The following GPR179 variants were observed in gnomAD, a reference collection of about 807,000 sequenced individuals.
The protein encoded by GPR179 is G protein-coupled receptor 179.
A neutral mutation model predicts 70.8 loss-of-function variants in GPR179; 52 were observed. The ratio of observed to expected loss-of-function variants is 0.73; its 90% CI spans 0.59 to 0.93. GPR179 has a LOEUF of 0.93. Ranked by LOEUF, GPR179 falls within the 40% of genes least tolerant of loss-of-function variation. GPR179 has a pLI of 0.00. For missense variants in GPR179, 2,734 were observed against 2,966.8 expected, an observed-to-expected ratio of 0.92 and a Z score of 1.82; for synonymous variants, 1,123 against 1,169.0, an observed-to-expected ratio of 0.96 and a Z score of 0.80.
Position 38,343,669 on chromosome 17 carries a change from G to C in GPR179, c.121C>G (p.Gln41Glu). Residue 41 changes from glutamine to glutamate, a missense_variant, in exon 1 of 11, where the codon CAA becomes GAA. By Grantham distance (29) the Gln-to-Glu change is conservative. Coordinates refer to ENST00000616987, the MANE Select transcript of GPR179 (RefSeq NM_001004334.4). This position sits in a 1 kb window ranked among gnomAD's most constrained non-coding sequence, Gnocchi z 4.2. Reference sequence around the variant, plus strand: ...ATGGGTACAGATCCTGGCTTGACTTGGGAAGACAGAGGGGGCAGAGAGCGG... The same window carrying C: ...ATGGGTACAGATCCTGGCTTGACTTCGGAAGACAGAGGGGGCAGAGAGCGG... ...PIRSLPPLSS[Q>E]VKPGSVPMQV... The C allele has an allele frequency of 6.2e-7, 1 of 1,611,580 alleles. No individual in the cohort carries two copies.
At chr17:38,342,090 C>T (rs1327563593) in intron 1 of GPR179, among the ~76,000 whole-genome samples, 2 of 151,960 alleles carry the variant, frequency 1.3e-5, no homozygotes, top group Admixed American at 1.3e-4. Context: ...GCACTATAGC[C>T]TGGGCGACAG....
At position 38,334,146 on chromosome 17, in the gene GPR179, C is replaced by T. The variant is rs542419310; in HGVS notation, c.1785-108G>A. The T allele has an allele frequency of 1.0e-4, 81 of 801,384 alleles. No homozygotes were observed. The East Asian group carries it at 1.4e-3, about 14-fold the overall frequency. The allele number at this position is 801,384 out of a possible 1,614,324, so 49.6% of individuals were successfully genotyped here. A position where few individuals can be genotyped will look rare whatever the true frequency, so the allele number is the denominator to read the frequency against. On this transcript the variant is annotated intron_variant, in intron 8 of 10. Coordinates refer to ENST00000616987, the MANE Select transcript of GPR179 (RefSeq NM_001004334.4). This position sits in a 1 kb window ranked among gnomAD's most constrained non-coding sequence, Gnocchi z 4.7. Reference sequence around the variant, plus strand: ...AGCCCCAACCCTGATACGCTTAGGACGAGGGGGCATTCTGCCCTCTCCTGC... The same window carrying T: ...AGCCCCAACCCTGATACGCTTAGGATGAGGGGGCATTCTGCCCTCTCCTGC...
In GPR179 at chr17:38,343,612, G is replaced by C. The variant is rs776208003; in HGVS notation, c.178C>G (p.Leu60Val). The C allele has an allele frequency of 6.2e-7, 1 of 1,613,694 alleles. No individual in the cohort carries two copies. The highest frequency in any genetic ancestry group is 1.3e-5 in the African/African-American group (1 of 74,930). Residue 60 changes from leucine to valine, a missense_variant, in exon 1 of 11, where the codon CTC (leucine) becomes GTC (valine). Leu to Val is a conservative substitution (Grantham distance 32). Transcript: ENST00000616987. This position sits in a 1 kb window ranked among gnomAD's most constrained non-coding sequence, Gnocchi z 4.2. Reference sequence around the variant, plus strand: ...GCATCTCCAGAGTAGAGATAAGCGAGGGCGGCCTCGGCCCCCTCTAGGGGC... The same window carrying C: ...GCATCTCCAGAGTAGAGATAAGCGACGGCGGCCTCGGCCCCCTCTAGGGGC... ...QVPLEGAEAALAYLYSGDAQQ... is the reference protein window; with the variant it reads ...QVPLEGAEAAVAYLYSGDAQQ...
rs150811301 is a variant in GPR179, at chr17:38,326,808, G to C, written c.6761C>G (p.Ser2254Cys). The C allele has an allele frequency of 6.2e-7, 1 of 1,614,102 alleles. No homozygotes were observed. The highest frequency in any genetic ancestry group is 8.5e-7 in the Non-Finnish European group (1 of 1,180,012). ...GEETGVPSEE[S>C]GLLALTATRR... The stretch of plus-strand genomic sequence containing the variant: ...AGTTGCTGTTAAAGCCAGGAGGCCA[G>C]ATTCCTCAGATGGGACTCCAGTTTC... The change falls in exon 11 of 11, where the codon TCT (serine) becomes TGT (cysteine). Residue 2254 changes from serine (S) to cysteine (C), a missense_variant. Transcript: ENST00000616987.
Position 38,330,843 on chromosome 17 carries a change from C to A in GPR179, c.2726G>T (p.Ser909Ile). 6.2e-7 allele frequency: 1 copy of A among 1,603,780 alleles called. No individual in the cohort carries two copies. Among genetic ancestry groups the A allele is most frequent in the South Asian group, 1.1e-5 (1 of 89,364 alleles). Reference sequence around the variant, plus strand: ...AGAGGTGTGAGAGCTGTCCACGCTGCTGCTCTTGGCAGGGGAAGGTGGAGC... The same window carrying A: ...AGAGGTGTGAGAGCTGTCCACGCTGATGCTCTTGGCAGGGGAAGGTGGAGC... Reference protein sequence around the residue: ...LSAPPSPAKSSSVDSSHTSGR... With the variant: ...LSAPPSPAKSISVDSSHTSGR... Residue 909 changes from serine to isoleucine, a missense_variant, in exon 11 of 11, where the codon AGC (serine) becomes ATC (isoleucine). Coordinates refer to ENST00000616987, the MANE Select transcript of GPR179 (RefSeq NM_001004334.4).
At position 38,327,697 on chromosome 17, in the gene GPR179, A is replaced by G. The variant is rs368927813; in HGVS notation, c.5872T>C (p.Cys1958Arg). The G allele has an allele frequency of 6.1e-5, 98 of 1,614,092 alleles. No homozygotes were observed. Among genetic ancestry groups the G allele is most frequent in the Middle Eastern group, 1.6e-4 (1 of 6,084 alleles). ...EKTSHELQSV[C>R]PWETTAPADS... is the part of the protein sequence containing the mutation. ...GCTGGGGCAGTGGTCTCCCATGGACAGACGGATTGTAGCTCATGGCTTGTT... is the reference window on the plus strand; with the variant it reads ...GCTGGGGCAGTGGTCTCCCATGGACGGACGGATTGTAGCTCATGGCTTGTT... Residue 1958 changes from cysteine to arginine, a missense_variant, in exon 11 of 11, where the codon TGT becomes CGT. Coordinates refer to ENST00000616987, the MANE Select transcript of GPR179 (RefSeq NM_001004334.4).
At position 38,331,196 on chromosome 17, in the gene GPR179, C is replaced by A; in HGVS notation, c.2373G>T (p.Arg791Ser). The part of the protein sequence containing the change: ...QDPPLLDSLL[R>S]RKLAKKASRT... ...GAGAGGCCTTCTTGGCCAGCTTCCT[C>A]CTCAGCAGTGAGTCAAGAAGAGGCG... The change falls in exon 11 of 11, where the codon AGG becomes AGT. Residue 791 changes from arginine (R) to serine (S), a missense_variant. By Grantham distance (110) the Arg-to-Ser change is moderately radical. Coordinates refer to ENST00000616987, the MANE Select transcript of GPR179 (RefSeq NM_001004334.4). The A allele has an allele frequency of 6.2e-7, 1 of 1,608,192 alleles. No individual in the cohort carries two copies. Among genetic ancestry groups the A allele is most frequent in the Non-Finnish European group, 8.5e-7 (1 of 1,178,590 alleles).
intron 1 of GPR179, among the ~76,000 whole-genome samples, chr17:38,342,236 T>C (rs1207307888): frequency 2.6e-5 from 4 of 151,956 alleles, no homozygotes; most frequent in Non-Finnish European, 4.4e-5. Flanking sequence ...GCCTGGTGCA[T>C]AGATTGTCAC....
Position 38,337,728 on chromosome 17 carries a change from G to A in GPR179, c.904-8C>T. On this transcript the variant is annotated splice_region_variant and splice_polypyrimidine_tract_variant and intron_variant, in intron 2 of 10. Coordinates refer to ENST00000616987, the MANE Select transcript of GPR179 (RefSeq NM_001004334.4). ...ACTCTCCAGGGGGACACACTATGGG[G>A]ACAACAAACACAGTATGTGTTTATG... 1 of 1,610,384 alleles carries A rather than the reference G, an allele frequency of 6.2e-7. No individual in the cohort carries two copies. The highest frequency in any genetic ancestry group is 1.1e-5 in the South Asian group (1 of 90,872).
At chr17:38,341,412 C>CCAGGT (rs1296220465) in intron 1 of GPR179, among the ~76,000 whole-genome samples, 1 of 152,214 alleles carries the variant, frequency 6.6e-6, no homozygotes, top group African/African-American at 2.4e-5. Flanking sequence ...TCTGCCCAAG[C>CCAGGT]CAGGTCTGAA....
At chr17:38,339,572 G>A in intron 1 of GPR179, 47 bp from the exon 2 acceptor site, 1 of 1,324,884 alleles carries the variant, frequency 7.5e-7, no homozygotes. Flanking sequence ...TGATGCCAAA[G>A]TGGACGTGTG....
Position 38,335,120 on chromosome 17 carries a change from CG to C in GPR179, c.1557del (p.His519GlnfsTer5). The C allele has an allele frequency of 6.2e-7, 1 of 1,608,668 alleles. No homozygotes were observed. Reference protein sequence around the residue: ...TVGALERGIQHAPLVIRGHTP... With the variant: ...TVGALERGIQXAPLVIRGHTP... ...GTGTGGCCTCGGATCACCAGAGGTG[CG>C]TGCTGGATGCCTCGCTCCAGGGCGC... On this transcript the variant is annotated frameshift_variant, in exon 7 of 11. Coordinates refer to ENST00000616987, the MANE Select transcript of GPR179 (RefSeq NM_001004334.4). LOFTEE classifies it high-confidence loss of function.
chr17:38,326,611 G>T lies in GPR179; in HGVS notation c.6958C>A (p.Pro2320Thr). Residue 2320 changes from proline (P) to threonine (T), a missense_variant, in exon 11 of 11, where the codon CCA (proline) becomes ACA (threonine). Pro to Thr is a conservative substitution (Grantham distance 38). Transcript: ENST00000616987. ...RELQGPSGLE[P>T]RTSLAPEPSL... is the part of the protein sequence containing the mutation. ...GGCTCTGGGGCTAAGCTGGTCCTTG[G>T]CTCAAGCCCTGAAGGTCCTTGTAGT... 1 of 1,614,220 alleles carries T rather than the reference G, an allele frequency of 6.2e-7. No homozygotes were observed.
At chr17:38,335,995 G>A in intron 5 of GPR179, 81 bp downstream of exon 5, 1 of 982,622 alleles carries the variant, frequency 1.0e-6, no homozygotes, top group South Asian at 1.3e-5. Flanking sequence ...GGGCAGAGAA[G>A]GGTTCTGGGG....
intron 2 of GPR179, among the ~76,000 whole-genome samples, chr17:38,338,611 C>T (rs2037425568): frequency 2.0e-5 from 3 of 152,156 alleles, no homozygotes; most frequent in Non-Finnish European, 4.4e-5. Flanking sequence ...AGCCCTTTTC[C>T]ATCCCTCCAC....
rs1235314320 is a variant in GPR179, at chr17:38,327,318, C to T, written c.6251G>A (p.Gly2084Asp). ...VCPWESQDGK[G>D]LSPQPAPDAS... Reference sequence around the variant, plus strand: ...ATCTGGGGCTGGCTGTGGGGACAGACCCTTGCCATCTTGACTCTCCCAGGG... The same window carrying T: ...ATCTGGGGCTGGCTGTGGGGACAGATCCTTGCCATCTTGACTCTCCCAGGG... The change falls in exon 11 of 11, where the codon GGT (glycine) becomes GAT (aspartate). Residue 2084 changes from glycine to aspartate, a missense_variant. Coordinates refer to ENST00000616987, the MANE Select transcript of GPR179 (RefSeq NM_001004334.4). The T allele has an allele frequency of 1.2e-6, 2 of 1,614,210 alleles. No homozygotes were observed. The highest frequency in any genetic ancestry group is 1.7e-6 in the Non-Finnish European group (2 of 1,180,036).
In GPR179 at chr17:38,330,646, C is replaced by A. The variant is rs754216240; in HGVS notation, c.2923G>T (p.Ala975Ser). Residue 975 changes from alanine to serine, a missense_variant, in exon 11 of 11, where the codon GCC (alanine) becomes TCC (serine). Coordinates refer to ENST00000616987, the MANE Select transcript of GPR179 (RefSeq NM_001004334.4). Reference sequence around the variant, plus strand: ...GGGGATACTGGGACTGGTGCCAGGGCAGGGGCTGGGGTTGGAGCTAGAGCT... The same window carrying A: ...GGGGATACTGGGACTGGTGCCAGGGAAGGGGCTGGGGTTGGAGCTAGAGCT... ...LPALAPTPAP[A>S]LAPVPVSPQS... The A allele has an allele frequency of 4.4e-6, 7 of 1,595,336 alleles. No individual in the cohort carries two copies. The highest frequency in any genetic ancestry group is 6.0e-6 in the Non-Finnish European group (7 of 1,169,360).
Position 38,326,193 on chromosome 17 carries a change from G to T in GPR179, c.*272C>A. On this transcript the variant is annotated 3_prime_UTR_variant, in exon 11 of 11. Coordinates refer to ENST00000616987, the MANE Select transcript of GPR179 (RefSeq NM_001004334.4). ...GTTTGTGTTGTGAGTACTGTAGGTG[G>T]ATGGGAGGCGTCCTTAGAAGTAGAG... is the stretch of plus-strand genomic sequence containing the variant. 7.0e-6 allele frequency: 3 copies of T among 427,388 alleles called. No homozygotes were observed. The highest frequency in any genetic ancestry group is 1.2e-5 in the Non-Finnish European group (3 of 241,710). The allele number at this position is 427,388 out of a possible 1,614,324, so 26.5% of individuals were successfully genotyped here.
rs954300625 is a variant in GPR179 at position 38,330,879 on chromosome 17, G to C, written c.2690C>G (p.Ala897Gly). The stretch of plus-strand genomic sequence containing the variant: ...AGGGGAAGGTGGAGCTGACAGGGGG[G>C]CCCCTCGAGGCCGCTCCAGCCTCCT... ...SARRLERPRG[A>G]PLSAPPSPAK... Residue 897 changes from alanine (A) to glycine (G), a missense_variant, in exon 11 of 11, where the codon GCC becomes GGC. Physicochemically the swap from Ala to Gly is moderately conservative, Grantham distance 60 (BLOSUM62 0). Transcript: ENST00000616987. The C allele has an allele frequency of 1.3e-6, 2 of 1,599,018 alleles. No individual in the cohort carries two copies. Among genetic ancestry groups the C allele is most frequent in the Non-Finnish European group, 1.7e-6 (2 of 1,173,520 alleles).
Sources: gnomAD v4.1 joint callset for allele counts (sites outside exome capture counted in the v4.1 genomes callset) on GRCh38, gnomAD v4.1.1 for gene constraint, Gnocchi (gnomAD v3.1) non-coding constraint, MANE v1.5 for transcripts, NCBI Gene and HGNC (gene_info 2026-07-23, HGNC 2026-07-21) for gene names.